Variants in IFT172 observed in about 807,000 individuals in gnomAD.
The protein encoded by IFT172 is intraflagellar transport 172.
IFT172 carries 164 observed loss-of-function variants against 248.9 expected under a neutral mutation model. The observed-to-expected ratio is 0.66, with a 90% CI of 0.58 to 0.75. The LOEUF is 0.75. IFT172 is among the 30% of genes least tolerant of loss of function. The pLI is 0.00. For synonymous variants in IFT172, 729 were observed against 791.6 expected (o/e 0.92, Z 1.33); for missense variants, 1,950 against 2,192.4 (o/e 0.89, Z 2.21).
Position 27,454,288 on chromosome 2 carries a change from T to A in IFT172, c.3530+66A>T. The A allele has an allele frequency of 6.2e-7, 1 of 1,609,620 alleles. No homozygotes were observed. The highest frequency in any genetic ancestry group is 2.2e-5 in the East Asian group (1 of 44,870). On this transcript the variant is annotated intron_variant, in intron 32 of 47. Transcript: ENST00000260570. The surrounding 1 kb of genome is among the most constrained non-coding windows in gnomAD (Gnocchi z 4.2). ...TTCTAGGTTTGAATGAAGGTCAAGA[T>A]AATCATGAAAGATCCTGGGACGGTG...
At chr2:27,453,784 A>G (rs754995581) in intron 33 of IFT172, 45 bp from the exon 34 acceptor site, 2 of 1,549,210 alleles carry the variant, frequency 1.3e-6, no homozygotes, top group South Asian at 2.3e-5. Context: ...CAGGCCTGAC[A>G]GCTTCCCACT....
At chr2:27,444,668 G>A (rs986806380) in intron 47 of IFT172, 147 bp from the exon 48 acceptor site, 1 of 603,750 alleles carries the variant, frequency 1.7e-6, no homozygotes, top group East Asian at 2.8e-5. Flanking sequence ...TTTGTTTTGA[G>A]ACAAAGTCTT....
At chr2:27,461,544 A>T (rs1287605889) in intron 21 of IFT172, 27 bp from the exon 22 acceptor site, 3 of 1,609,752 alleles carry the variant, frequency 1.9e-6, no homozygotes, top group Non-Finnish European at 2.5e-6. Context: ...GACAACTAGG[A>T]GTCACATCCC....
At chr2:27,459,671 C>T (rs1364617116) in intron 24 of IFT172, 38 bp downstream of exon 24, 1 of 1,609,774 alleles carries the variant, frequency 6.2e-7, no homozygotes, top group Non-Finnish European at 8.5e-7. Flanking sequence ...CCCCTCACTT[C>T]ACACCTAAAT....
intron 7 of IFT172, among the ~76,000 whole-genome samples, chr2:27,482,171 C>T (rs547423430): frequency 5.0e-4 from 75 of 150,712 alleles, no homozygotes; most frequent in African/African-American, 1.7e-3. Context: ...TTAGTAGAGA[C>T]GGGGTTTCAC....
Position 27,445,906 on chromosome 2 carries a change from C to T in IFT172, c.4815+23G>A, listed in dbSNP as rs181365583. On this transcript the variant is annotated intron_variant, in intron 44 of 47. Transcript: ENST00000260570. This position sits in a 1 kb window ranked among gnomAD's most constrained non-coding sequence, Gnocchi z 4.4. ...CGCGACTGGCAAAAACCTCCACCCT[C>T]GGGGCACAGCTTCCCTACTCACATC... 0.012 allele frequency: 19,057 copies of T among 1,614,170 alleles called. 152 individuals carry two copies. Among genetic ancestry groups the T allele is most frequent in the Non-Finnish European group, 0.013 (15,741 of 1,180,014 alleles).
chr2:27,462,751 C>G lies in IFT172; in HGVS notation c.2065G>C (p.Ala689Pro). Reference protein sequence around the residue: ...TDFYQVRARLAMLEKNYKLAE... With the variant: ...TDFYQVRARLPMLEKNYKLAE... ...AGTTTGTAGTTCTTTTCCAGCATGGCTAGACGTGCTCGGACCTGATAAAAG... is the reference window on the plus strand; with the variant it reads ...AGTTTGTAGTTCTTTTCCAGCATGGGTAGACGTGCTCGGACCTGATAAAAG... The change falls in exon 20 of 48, where the codon GCC becomes CCC. Residue 689 changes from alanine (A) to proline (P), a missense_variant. By Grantham distance (27) the Ala-to-Pro change is conservative. Coordinates refer to ENST00000260570, the MANE Select transcript of IFT172 (RefSeq NM_015662.3). The G allele has an allele frequency of 6.2e-7, 1 of 1,614,102 alleles. No homozygotes were observed. The highest frequency in any genetic ancestry group is 8.5e-7 in the Non-Finnish European group (1 of 1,180,008).
chr2:27,465,616 C>CT, intron 17 of IFT172, 98 bp from the exon 18 acceptor site: 1 of 1,535,462 alleles, frequency 6.5e-7, no homozygotes, highest in Non-Finnish European at 9.0e-7. Flanking sequence ...GAAGGGCCAT[C>CT]TTTGTCTCAT....
At chr2:27,447,398 C>T (rs1186357750) in intron 42 of IFT172, 117 bp downstream of exon 42, 1 of 1,408,556 alleles carries the variant, frequency 7.1e-7, no homozygotes, top group African/African-American at 1.4e-5. Flanking sequence ...AGCTGAAAGA[C>T]AGGTGGGGAG....
At chr2:27,482,536 C>T (rs1253334243) in intron 7 of IFT172, among the ~76,000 whole-genome samples, 4 of 151,282 alleles carry the variant, frequency 2.6e-5, no homozygotes, top group Non-Finnish European at 5.9e-5. Context: ...CCACCCGCCT[C>T]GGCCTCCCAA....
In IFT172 at chr2:27,457,627, TG is replaced by T. The variant is rs1276701786; in HGVS notation, c.3228+11del. The T allele has an allele frequency of 2.5e-6, 4 of 1,607,816 alleles. No homozygotes were observed. The highest frequency in any genetic ancestry group is 3.4e-6 in the Non-Finnish European group (4 of 1,174,660). On this transcript the variant is annotated intron_variant, in intron 29 of 47. Coordinates refer to ENST00000260570, the MANE Select transcript of IFT172 (RefSeq NM_015662.3). The stretch of plus-strand genomic sequence containing the variant: ...GATGGATGTATCCCTCAGTGTGGCC[TG>T]AACTCCTTACCCTGTAGGCCTCTTC...
intron 23 of IFT172, among the ~76,000 whole-genome samples, chr2:27,460,601 A>G (rs1331826988): frequency 4.6e-4 from 14 of 30,608 alleles, no homozygotes; most frequent in African/African-American, 2.1e-3. Flanking sequence ...ACTGCTTTGT[A>G]AAGCATTGAG....
At chr2:27,473,496 G>A (rs1011033806) in intron 14 of IFT172, among the ~76,000 whole-genome samples, 1 of 149,700 alleles carries the variant, frequency 6.7e-6, no homozygotes, top group Non-Finnish European at 1.5e-5. Flanking sequence ...ATTTTTAGTA[G>A]AGACAGGGTT....
rs1398890900 is a variant in IFT172, at chr2:27,449,355, G to A, written c.4250C>T (p.Ala1417Val). 1.2e-6 allele frequency: 2 copies of A among 1,614,032 alleles called. No individual in the cohort carries two copies. Among genetic ancestry groups the A allele is most frequent in the African/African-American group, 2.7e-5 (2 of 74,912 alleles). ...DSLVGVDVIA[A>V]LDLYVEQGQW... ...GCCCTGCTCCACATACAGGTCCAAA[G>A]CAGCTATCACATCCACACCCACCAG... Residue 1417 changes from alanine to valine, a missense_variant, in exon 39 of 48, where the codon GCT (alanine) becomes GTT (valine). Transcript: ENST00000260570.
At position 27,485,521 on chromosome 2, in the gene IFT172, T is replaced by TA; in HGVS notation, c.40-19dup. On this transcript the variant is annotated intron_variant, in intron 1 of 47. Transcript: ENST00000260570. ...GCTCCATCCTGTAGAGGCAAAGGGG[T>TA]AAAAACAAACCCATGTGCTGGTCTA... 6.2e-7 allele frequency: 1 copy of TA among 1,613,774 alleles called. No individual in the cohort carries two copies. The highest frequency in any genetic ancestry group is 1.1e-5 in the South Asian group (1 of 91,056).
At chr2:27,488,796 G>C (rs1162714809) in intron 1 of IFT172, among the ~76,000 whole-genome samples, 2 of 152,266 alleles carry the variant, frequency 1.3e-5, no homozygotes, top group Non-Finnish European at 2.9e-5. Context: ...AGAGATATCA[G>C]GTCATTTGTT....
intron 7 of IFT172, among the ~76,000 whole-genome samples, chr2:27,481,462 C>A (rs1220661808): frequency 1.3e-5 from 2 of 151,800 alleles, no homozygotes; most frequent in Non-Finnish European, 2.9e-5. Context: ...CATACACACA[C>A]ACACACACCC....
chr2:27,450,193 C>A, intron 35 of IFT172, 97 bp from the exon 36 acceptor site: 1 of 898,032 alleles, frequency 1.1e-6, no homozygotes, highest in Non-Finnish European at 1.8e-6. Flanking sequence ...CTCCAGATGC[C>A]AACTTTTTCT....
At chr2:27,488,826 C>T (rs1668949905) in intron 1 of IFT172, among the ~76,000 whole-genome samples, 1 of 152,126 alleles carries the variant, frequency 6.6e-6, no homozygotes, top group African/African-American at 2.4e-5. Flanking sequence ...GGTGGCCAGT[C>T]TGGGCAACAT....
Sources: allele counts gnomAD v4.1 joint callset (sites outside exome capture counted in the v4.1 genomes callset), GRCh38; gene constraint gnomAD v4.1.1; non-coding constraint Gnocchi (gnomAD v3.1); transcripts MANE v1.5; gene names NCBI Gene and HGNC (gene_info 2026-07-23, HGNC 2026-07-21).